GRM8: variants seen among roughly 807,000 people sequenced by gnomAD.
GRM8 encodes glutamate metabotropic receptor 8.
Under a neutral mutation model 87.2 loss-of-function variants are expected in GRM8, and 47 were observed. That is an observed-to-expected ratio of 0.54 (90% confidence interval 0.43 to 0.69). The LOEUF (loss-of-function observed/expected upper bound fraction) is 0.69, where lower values mean the gene tolerates loss of function less well. GRM8 is among the 30% of genes least tolerant of loss of function. The probability of loss-of-function intolerance (pLI) is 0.00; values close to 1 mark genes in which losing one functional copy is unlikely to be tolerated. For missense variants in GRM8, 1,019 were observed against 1,139.2 expected (o/e 0.89, Z 1.52); for synonymous variants, 396 against 404.5 (o/e 0.98, Z 0.25).
At chr7:126,671,861 CTTGTTGGAGG>C (rs776258420) in intron 7 of GRM8, among the ~76,000 whole-genome samples, 5 of 152,162 alleles carry the variant, frequency 3.3e-5, no homozygotes, top group Non-Finnish European at 5.9e-5. Context: ...ATTCCTCTCT[CTTGTTGGAGG>C]AGAACTCAGC....
intron 6 of GRM8, among the ~76,000 whole-genome samples, chr7:126,835,085 A>AT (rs1162764426): frequency 8.3e-5 from 10 of 120,180 alleles, no homozygotes; most frequent in Non-Finnish European, 1.7e-4. Context: ...CAAAAAAAAA[A>AT]TAAAAAAAAA....
chr7:126,799,707 G>C (rs1822423933), intron 6 of GRM8, among the ~76,000 whole-genome samples: 1 of 152,142 alleles, frequency 6.6e-6, no homozygotes, highest in Admixed American at 6.6e-5. Flanking sequence ...ACTGCTCATA[G>C]AGTACAAGAA....
At chr7:126,453,070 A>AACACAC (rs71177555) in intron 9 of GRM8, among the ~76,000 whole-genome samples, 78 of 146,054 alleles carry the variant, frequency 5.3e-4, no homozygotes, top group South Asian at 1.3e-3. Context: ...TTATAGCAGA[A>AACACAC]ACACACACAC....
intron 3 of GRM8, among the ~76,000 whole-genome samples, chr7:126,947,011 G>A (rs1807608297): frequency 2.0e-5 from 3 of 152,190 alleles, no homozygotes; most frequent in South Asian, 2.1e-4. Context: ...TCTGGAAGAT[G>A]TGTCCTTCAT....
At chr7:126,704,165 G>A (rs1474505763) in intron 7 of GRM8, among the ~76,000 whole-genome samples, 1 of 152,172 alleles carries the variant, frequency 6.6e-6, no homozygotes, top group African/African-American at 2.4e-5. Flanking sequence ...AATGTGAATT[G>A]TGAAGATTTC....
Position 127,243,107 on chromosome 7 carries a change from C to T in GRM8, c.98G>A (p.Ser33Asn). 1.9e-6 allele frequency: 3 copies of T among 1,614,068 alleles called. No homozygotes were observed. The highest frequency in any genetic ancestry group is 2.5e-6 in the Non-Finnish European group (3 of 1,179,992). ...WILTMMQRTHSQEYAHSIRVD... is the reference protein window; with the variant it reads ...WILTMMQRTHNQEYAHSIRVD... ...CCGTATGGAATGGGCATACTCCTGG[C>T]TGTGAGTTCTTTGCATCATTGTGAG... The change falls in exon 2 of 11, where the codon AGC (serine) becomes AAC (asparagine). Residue 33 changes from serine to asparagine, a missense_variant. By Grantham distance (46) the Ser-to-Asn change is conservative. Transcript: ENST00000339582.
At chr7:126,624,421 C>T (rs2151151977) in intron 7 of GRM8, among the ~76,000 whole-genome samples, 1 of 152,308 alleles carries the variant, frequency 6.6e-6, no homozygotes, top group African/African-American at 2.4e-5. Flanking sequence ...CCCAAAATAT[C>T]AAGAGAGGCT....
chr7:126,806,481 T>G (rs1242087515), intron 6 of GRM8, among the ~76,000 whole-genome samples: 1 of 152,228 alleles, frequency 6.6e-6, no homozygotes, highest in Non-Finnish European at 1.5e-5. Flanking sequence ...TGGCCTGCTT[T>G]TATTCCCCTA....
chr7:126,796,393 G>A (rs569138526), intron 6 of GRM8, among the ~76,000 whole-genome samples: 1 of 152,038 alleles, frequency 6.6e-6, no homozygotes, highest in Non-Finnish European at 1.5e-5. Flanking sequence ...TCTAGATTTT[G>A]ATGATAATTA....
chr7:126,446,197 A>C lies in GRM8; in HGVS notation c.2606T>G (p.Leu869Arg), dbSNP rs1802001226. Residue 869 changes from leucine to arginine, a missense_variant, in exon 10 of 11, where the codon CTG becomes CGG. Coordinates refer to ENST00000339582, the MANE Select transcript of GRM8 (RefSeq NM_000845.3). The stretch of plus-strand genomic sequence containing the variant: ...TGGTCTGTCATTTCCTTTTTGGATC[A>C]GTTTGCTTTGCATGGTGGCAGCTGT... ...VVTAATMQSK[L>R]IQKGNDRPNG... is the part of the protein sequence containing the mutation. 3 of 1,612,978 alleles carry C rather than the reference A, an allele frequency of 1.9e-6. No individual in the cohort carries two copies. The African/African-American group carries it at 4.0e-5, about 22-fold the overall frequency.
rs114699701 is a variant in GRM8, at chr7:126,847,726, A to G, written c.1156+54816T>C. On this transcript the variant is annotated intron_variant, in intron 6 of 10. Coordinates refer to ENST00000339582, the MANE Select transcript of GRM8 (RefSeq NM_000845.3). ...AAAGCCATACTGCTTTTATGACCTA[A>G]CTCAGAAGTTAGGCAACTTTGCATC... Among the ~76,000 whole-genome samples, 979 of 152,240 alleles carry G rather than the reference A, an allele frequency of 6.4e-3. 11 individuals are homozygous for G. The highest frequency in any genetic ancestry group is 0.022 in the African/African-American group (910 of 41,548).
At chr7:126,479,209 A>G (rs1806364369) in intron 9 of GRM8, among the ~76,000 whole-genome samples, 1 of 152,130 alleles carries the variant, frequency 6.6e-6, no homozygotes, top group South Asian at 2.1e-4. Context: ...GTAATGGAAG[A>G]GAGTTGTGCA....
chr7:126,639,839 C>G (rs78704506), intron 7 of GRM8, among the ~76,000 whole-genome samples: 3,132 of 152,292 alleles, frequency 0.021, 123 homozygotes, highest in African/African-American at 0.072. Context: ...GTGAATGAGA[C>G]TAACAACTAA....
At chr7:126,986,183 T>G (rs79912498) in intron 3 of GRM8, among the ~76,000 whole-genome samples, 4,361 of 152,160 alleles carry the variant, frequency 0.029, 203 homozygotes, top group African/African-American at 0.098. Flanking sequence ...CTGACTAATT[T>G]TTTTAAAACA....
chr7:126,733,129 A>G (rs1459305428), intron 7 of GRM8, among the ~76,000 whole-genome samples: 1 of 152,038 alleles, frequency 6.6e-6, no homozygotes, highest in Admixed American at 6.6e-5. Flanking sequence ...CCTGATTTAC[A>G]TCATGTTAGT....
chr7:127,074,689 G>A (rs1056513364), intron 3 of GRM8, among the ~76,000 whole-genome samples: 23 of 152,238 alleles, frequency 1.5e-4, no homozygotes, highest in Admixed American at 1.4e-3. Context: ...CCAGTCTCCT[G>A]GCCCTGTCTC....
At chr7:127,047,866 A>G (rs1186468172) in intron 3 of GRM8, among the ~76,000 whole-genome samples, 1 of 152,236 alleles carries the variant, frequency 6.6e-6, no homozygotes, top group Non-Finnish European at 1.5e-5. Flanking sequence ...GCAATGCAAA[A>G]TATCTTCCTT....
chr7:127,071,755 T>G (rs1252202236), intron 3 of GRM8, among the ~76,000 whole-genome samples: 1 of 152,214 alleles, frequency 6.6e-6, no homozygotes, highest in Non-Finnish European at 1.5e-5. Context: ...GGTGACATGG[T>G]TGAGGTTCAT....
chr7:126,974,328 T>G (rs1810730841), intron 3 of GRM8, among the ~76,000 whole-genome samples: 1 of 152,172 alleles, frequency 6.6e-6, no homozygotes, highest in Non-Finnish European at 1.5e-5. Flanking sequence ...GTTAAATAAG[T>G]AGATTTAGTT....
Sources: allele counts gnomAD v4.1 joint callset (sites outside exome capture counted in the v4.1 genomes callset), GRCh38; gene constraint gnomAD v4.1.1; transcripts MANE v1.5; gene names NCBI Gene and HGNC (gene_info 2026-07-23, HGNC 2026-07-21).